CFAP92: variants seen among roughly 807,000 people sequenced by gnomAD.
CFAP92 encodes cilia and flagella associated protein 92 (putative), also known as uncharacterized protein CFAP92.
Under a neutral mutation model 106.3 loss-of-function variants are expected in CFAP92, and 86 were observed. That is an observed-to-expected ratio of 0.81 (90% CI 0.68 to 0.97). The LOEUF (loss-of-function observed/expected upper bound fraction) is 0.97. CFAP92 is among the 50% of genes least tolerant of loss of function. The pLI, the probability that CFAP92 is intolerant of heterozygous loss-of-function variation, is 0.00. For missense variants in CFAP92, 1,204 were observed against 1,283.8 expected, an observed-to-expected ratio of 0.94 and a Z score of 0.95; for synonymous variants, 477 against 506.4, an observed-to-expected ratio of 0.94 and a Z score of 0.78.
chr3:128,996,849 G>A (rs779295324), upstream of CFAP92, among the ~76,000 whole-genome samples: 1 of 152,188 alleles, frequency 6.6e-6, no homozygotes, highest in Non-Finnish European at 1.5e-5. Flanking sequence ...TCCCCTCCAT[G>A]GGTTCCCCCG....
At chr3:128,996,683 A>C (rs1225903505), upstream of CFAP92, among the ~76,000 whole-genome samples, 1 of 152,196 alleles carries the variant, frequency 6.6e-6, no homozygotes, top group Non-Finnish European at 1.5e-5. Flanking sequence ...GTTATTTCTC[A>C]CCACTCCATG....
chr3:128,964,122 G>T (rs551051830), intron 9 of CFAP92, among the ~76,000 whole-genome samples: 1 of 152,270 alleles, frequency 6.6e-6, no homozygotes, highest in East Asian at 1.9e-4. Flanking sequence ...AATCAGCCAA[G>T]CAGTTTTTCA....
intron 12 of CFAP92, among the ~76,000 whole-genome samples, chr3:128,930,351 T>C (rs907134278): frequency 5.3e-5 from 8 of 151,788 alleles, no homozygotes; most frequent in Non-Finnish European, 7.4e-5. Flanking sequence ...TGGGGTTTCA[T>C]TGTGTTAGCC....
At chr3:128,932,052 A>G (rs1050870122) in intron 12 of CFAP92, among the ~76,000 whole-genome samples, 3 of 152,192 alleles carry the variant, frequency 2.0e-5, no homozygotes, top group African/African-American at 4.8e-5. Flanking sequence ...TTTGGTTTTC[A>G]TAAAGACTGC....
intron 9 of CFAP92, among the ~76,000 whole-genome samples, chr3:128,957,169 A>C (rs1034309273): frequency 6.6e-6 from 1 of 152,212 alleles, no homozygotes; most frequent in Non-Finnish European, 1.5e-5. Context: ...AAATGACAAA[A>C]GAAGTCTTGG....
chr3:128,964,398 C>T (rs1005321430), intron 9 of CFAP92, among the ~76,000 whole-genome samples: 1 of 152,180 alleles, frequency 6.6e-6, no homozygotes, highest in Non-Finnish European at 1.5e-5. Context: ...CTTGTCATCC[C>T]TACTATCTTT....
At chr3:129,021,259 A>T in the CFAP92 span, among the ~76,000 whole-genome samples, 2 of 152,218 alleles carry the variant, frequency 1.3e-5, no homozygotes, top group South Asian at 4.1e-4. Context: ...TGTCTTATAT[A>T]TAAACACAGG....
chr3:129,005,659 G>T (rs1035503675), upstream of CFAP92, among the ~76,000 whole-genome samples: 1 of 152,204 alleles, frequency 6.6e-6, no homozygotes, highest in Non-Finnish European at 1.5e-5. Flanking sequence ...GAGGAAGGTG[G>T]TCTAGCCCAG....
chr3:129,002,406 G>A (rs1944833025), intron 1 of CFAP92: 1 of 1,444,566 alleles, frequency 6.9e-7, no homozygotes, highest in South Asian at 1.4e-5. Flanking sequence ...GAGCCCGACA[G>A]GACAGAGTCA....
intron 11 of CFAP92, among the ~76,000 whole-genome samples, chr3:128,934,275 A>C (rs1938738837): frequency 6.6e-6 from 1 of 152,182 alleles, no homozygotes; most frequent in Non-Finnish European, 1.5e-5. Context: ...GCTGGAGTGC[A>C]ATGACGCAAT....
chr3:129,004,928 T>G (rs951217209), upstream of CFAP92, among the ~76,000 whole-genome samples: 9 of 152,288 alleles, frequency 5.9e-5, no homozygotes, highest in East Asian at 1.7e-3. Flanking sequence ...CAGACCCTGC[T>G]TCCTCTTGGG....
chr3:129,003,912 G>A (rs1944929933), upstream of CFAP92: 25 of 1,353,992 alleles, frequency 1.8e-5, no homozygotes, highest in Non-Finnish European at 2.3e-5. Context: ...GCCCGCGCTG[G>A]GCGGCTGCGC....
At chr3:129,001,635 C>T (rs971841621) in intron 1 of CFAP92, 1 of 1,364,288 alleles carries the variant, frequency 7.3e-7, no homozygotes, top group Non-Finnish European at 9.4e-7. Flanking sequence ...AGCGATGGAG[C>T]CGGTCAGCAC....
rs570887335 is a variant in CFAP92 at position 128,961,968 on chromosome 3, C to T, written c.1353+3543G>A. Among the ~76,000 whole-genome samples, 8 of 152,322 alleles carry T rather than the reference C, an allele frequency of 5.3e-5. No homozygotes were observed. The East Asian group carries it at 1.5e-3, about 29-fold the overall frequency. On this transcript the variant is annotated intron_variant, in intron 9 of 15. Coordinates refer to ENST00000645291, the MANE Select transcript of CFAP92 (RefSeq NM_001394090.1). ...GGTGTTCCTCCAGAACCTCCTCCCC[C>T]AGGAGCTTGCTACAAGTGCCAGAAA...
chr3:128,910,369 A>AT, intron 15 of CFAP92, 36 bp from the exon 16 acceptor site: 2 of 1,459,940 alleles, frequency 1.4e-6, no homozygotes, highest in East Asian at 5.0e-5. Context: ...GGGGTTCCTG[A>AT]TCCCAGTGCC....
chr3:128,956,184 T>TAAAAAAA (rs369899266), intron 9 of CFAP92, among the ~76,000 whole-genome samples: 8 of 49,268 alleles, frequency 1.6e-4, no homozygotes, highest in Admixed American at 4.3e-4. Flanking sequence ...AAAAATAAAT[T>TAAAAAAA]AAAAAAAAAA....
At chr3:128,956,196 T>TAAAAAAAAAAAAAAAAA (rs577724635) in intron 9 of CFAP92, among the ~76,000 whole-genome samples, 24 of 61,650 alleles carry the variant, frequency 3.9e-4, no homozygotes, top group South Asian at 5.5e-4. Flanking sequence ...AAAAAAAAAA[T>TAAAAAAAAAAAAAAAAA]AAAAAAAAAA....
intron 10 of CFAP92, among the ~76,000 whole-genome samples, chr3:128,941,181 T>C (rs1206610285): frequency 6.6e-6 from 1 of 152,192 alleles, no homozygotes; most frequent in Non-Finnish European, 1.5e-5. Context: ...TTTAAATGTG[T>C]TCCAATTTTT....
At chr3:129,014,093 G>T in the CFAP92 span, among the ~76,000 whole-genome samples, 1 of 152,202 alleles carries the variant, frequency 6.6e-6, no homozygotes, top group Non-Finnish European at 1.5e-5. This position sits in a 1 kb window ranked among gnomAD's most constrained non-coding sequence, Gnocchi z 4.3. Flanking sequence ...ATGATTTTCT[G>T]TCAGAAATAA....
Sources: allele counts gnomAD v4.1 joint callset (sites outside exome capture counted in the v4.1 genomes callset), GRCh38; gene constraint gnomAD v4.1.1; non-coding constraint Gnocchi (gnomAD v3.1); transcripts MANE v1.5; gene names NCBI Gene and HGNC (gene_info 2026-07-23, HGNC 2026-07-21).